SLC14A2: variants seen among roughly 807,000 people sequenced by gnomAD.
SLC14A2 encodes urea transporter 2.
In SLC14A2, 91 loss-of-function variants were observed where a neutral mutation model predicts 104.6. The observed-to-expected ratio is 0.87, with a 90% CI of 0.73 to 1.04. The LOEUF (loss-of-function observed/expected upper bound fraction) is 1.04. Among genes scored for constraint, SLC14A2 ranks in the 50% least tolerant of loss-of-function variants. The probability of loss-of-function intolerance (pLI) is 0.00; values close to 1 mark genes in which losing one functional copy is unlikely to be tolerated. For synonymous variants in SLC14A2, 476 were observed against 466.4 expected (o/e 1.02, Z -0.27); for missense variants, 1,189 against 1,156.0 (o/e 1.03, Z -0.41).
intron 1 of SLC14A2, among the ~76,000 whole-genome samples, chr18:45,298,321 C>A (rs1239751939): frequency 6.6e-6 from 1 of 152,158 alleles, no homozygotes; most frequent in African/African-American, 2.4e-5. Context: ...AGAAAAGGCT[C>A]ATGAAATACC....
chr18:45,198,853 G>A, the SLC14A2 span, among the ~76,000 whole-genome samples: 1 of 146,950 alleles, frequency 6.8e-6, no homozygotes, highest in African/African-American at 2.5e-5. Context: ...ATGTTTTAAA[G>A]ATAAAGAGAA....
intron 5 of SLC14A2, 84 bp downstream of exon 5, chr18:45,632,562 C>A: frequency 6.7e-7 from 1 of 1,482,414 alleles, no homozygotes; most frequent in Non-Finnish European, 9.2e-7. Flanking sequence ...ACAGGACATA[C>A]ACATGTGGGA....
chr18:45,173,025 T>C, the SLC14A2 span, among the ~76,000 whole-genome samples: 1 of 152,118 alleles, frequency 6.6e-6, no homozygotes, highest in Non-Finnish European at 1.5e-5. Context: ...AATGGGTCAA[T>C]GTCACACTGC....
chr18:45,583,439 A>G (rs559620467), intron 2 of SLC14A2, among the ~76,000 whole-genome samples: 94 of 152,330 alleles, frequency 6.2e-4, no homozygotes, highest in Admixed American at 9.1e-4. Flanking sequence ...CCTAATTTCT[A>G]TCCTGTTCTG....
At chr18:45,332,488 C>G (rs1223742679) in intron 1 of SLC14A2, among the ~76,000 whole-genome samples, 1 of 152,094 alleles carries the variant, frequency 6.6e-6, no homozygotes, top group Non-Finnish European at 1.5e-5. Flanking sequence ...CGTGGGAGGT[C>G]TTGCCCAATC....
At chr18:45,393,927 G>A (rs564555159) in intron 1 of SLC14A2, among the ~76,000 whole-genome samples, 17 of 152,240 alleles carry the variant, frequency 1.1e-4, no homozygotes, top group South Asian at 2.1e-4. Context: ...CACCTGAGTC[G>A]TCATCATTAG....
chr18:45,634,509 C>T (rs2045389117), intron 5 of SLC14A2, among the ~76,000 whole-genome samples: 1 of 152,158 alleles, frequency 6.6e-6, no homozygotes, highest in African/African-American at 2.4e-5. Flanking sequence ...TGAGCTGTCG[C>T]CTAAATGATA....
chr18:45,578,610 T>C (rs572804450), intron 2 of SLC14A2, among the ~76,000 whole-genome samples: 1 of 152,264 alleles, frequency 6.6e-6, no homozygotes, highest in East Asian at 1.9e-4. Flanking sequence ...GCTTTCCATA[T>C]TGGAATACAT....
intron 1 of SLC14A2, among the ~76,000 whole-genome samples, chr18:45,264,072 A>G (rs2084567055): frequency 6.6e-6 from 1 of 152,178 alleles, no homozygotes; most frequent in Non-Finnish European, 1.5e-5. Context: ...ATCTATCTCT[A>G]TCTATTAGAA....
At position 45,655,850 on chromosome 18, in the gene SLC14A2, C is replaced by A. The variant is rs553379205; in HGVS notation, c.1352-7935C>A. Among the ~76,000 whole-genome samples the A allele has an allele frequency of 1.1e-3, 167 of 152,232 alleles. 1 individual carries two copies. Among genetic ancestry groups the A allele is most frequent in the African/African-American group, 3.7e-3 (152 of 41,520 alleles). ...TTAATTTTTTTAATTTAAAAAGTTG[C>A]AAATCCATTGATATCATTTGAGAAG... On this transcript the variant is annotated intron_variant, in intron 10 of 19. Coordinates refer to ENST00000255226, the MANE Select transcript of SLC14A2 (RefSeq NM_007163.4).
chr18:45,403,095 G>T (rs1254713359), intron 1 of SLC14A2, among the ~76,000 whole-genome samples: 2 of 152,186 alleles, frequency 1.3e-5, no homozygotes, highest in East Asian at 1.9e-4. Context: ...CCAAGATTAA[G>T]GTCCCAACAG....
chr18:45,630,841 C>A (rs1047737275), intron 4 of SLC14A2, among the ~76,000 whole-genome samples: 15 of 152,304 alleles, frequency 9.8e-5, no homozygotes, highest in African/African-American at 2.6e-4. Flanking sequence ...AGCAGCTGAC[C>A]ACACAGCTTG....
intron 1 of SLC14A2, among the ~76,000 whole-genome samples, chr18:45,381,460 T>C (rs920301330): frequency 6.6e-6 from 1 of 152,220 alleles, no homozygotes; most frequent in African/African-American, 2.4e-5. Context: ...CACCCCAAAC[T>C]GCATAAACCA....
chr18:45,481,985 T>C (rs1421187), intron 1 of SLC14A2, among the ~76,000 whole-genome samples: 3,023 of 152,308 alleles, frequency 0.02, 36 homozygotes, highest in South Asian at 0.029. Flanking sequence ...TTTCGGTTTC[T>C]AACTGGTTTT....
chr18:45,414,728 T>G (rs1185075439), intron 1 of SLC14A2, among the ~76,000 whole-genome samples: 3 of 119,864 alleles, frequency 2.5e-5, no homozygotes, highest in Non-Finnish European at 4.9e-5. Context: ...CCAGGTGCGG[T>G]GCAAGGCACC....
intron 1 of SLC14A2, among the ~76,000 whole-genome samples, chr18:45,615,806 T>C (rs1486120238): frequency 2.0e-5 from 3 of 150,026 alleles, no homozygotes; most frequent in Non-Finnish European, 4.4e-5. Context: ...TGTGTGTATG[T>C]GTAGGGGTGT....
At chr18:45,275,867 A>C (rs2084696893) in intron 1 of SLC14A2, among the ~76,000 whole-genome samples, 1 of 152,380 alleles carries the variant, frequency 6.6e-6, no homozygotes, top group East Asian at 1.9e-4. Flanking sequence ...AAAATAAATC[A>C]ATGCAAAATA....
intron 10 of SLC14A2, among the ~76,000 whole-genome samples, chr18:45,644,946 C>G (rs6507630): frequency 0.49 from 73,891 of 151,948 alleles, 18,168 homozygotes; most frequent in African/African-American, 0.52. Context: ...TTTGCTGCAC[C>G]TATCAACCCG....
At chr18:45,661,444 T>C (rs1267967201) in intron 10 of SLC14A2, among the ~76,000 whole-genome samples, 6 of 152,182 alleles carry the variant, frequency 3.9e-5, no homozygotes, top group African/African-American at 1.4e-4. Context: ...ACCAAACAGG[T>C]CTGTGCCTTT....
Sources: gnomAD v4.1 joint callset for allele counts (sites outside exome capture counted in the v4.1 genomes callset) on GRCh38, gnomAD v4.1.1 for gene constraint, MANE v1.5 for transcripts, NCBI Gene and HGNC (gene_info 2026-07-23, HGNC 2026-07-21) for gene names.